The following SMAP1 variants were observed in gnomAD, a reference collection of about 807,000 sequenced individuals.
The protein encoded by SMAP1 is small ArfGAP 1, also known as stromal membrane-associated protein 1.
A neutral mutation model predicts 58.5 loss-of-function variants in SMAP1; 24 were observed. That is an observed-to-expected ratio of 0.41 (90% confidence interval 0.30 to 0.58). SMAP1 has a LOEUF of 0.58. Ranked by LOEUF, SMAP1 falls within the 20% of genes least tolerant of loss-of-function variation. SMAP1 has a pLI of 0.29. For synonymous variants in SMAP1, 216 were observed against 196.6 expected (o/e 1.10, Z -0.82); for missense variants, 563 against 566.3 (o/e 0.99, Z 0.06).
intron 7 of SMAP1, among the ~76,000 whole-genome samples, chr6:70,840,988 T>G (rs1423900213): frequency 6.6e-6 from 1 of 152,220 alleles, no homozygotes; most frequent in Admixed American, 6.5e-5. Context: ...GGACTGTGAA[T>G]TATACTGTTA....
intron 2 of SMAP1, among the ~76,000 whole-genome samples, chr6:70,748,378 C>A (rs1000486685): frequency 2.0e-5 from 3 of 151,914 alleles, no homozygotes; most frequent in Non-Finnish European, 2.9e-5. Flanking sequence ...TAGTTTCCCC[C>A]CTCCCACACA....
intron 3 of SMAP1, among the ~76,000 whole-genome samples, chr6:70,764,794 C>T (rs751481902): frequency 6.6e-6 from 1 of 152,106 alleles, no homozygotes; most frequent in African/African-American, 2.4e-5. Context: ...AGTAGTTTTA[C>T]TTTCAAGTGT....
chr6:70,754,847 A>G, intron 2 of SMAP1, 133 bp from the exon 3 acceptor site: 1 of 502,756 alleles, frequency 2.0e-6, no homozygotes, highest in Non-Finnish European at 3.6e-6. Flanking sequence ...GATTTAAATT[A>G]TATTTCTAAG....
At chr6:70,692,687 A>G (rs1269393529) in intron 1 of SMAP1, among the ~76,000 whole-genome samples, 1 of 152,104 alleles carries the variant, frequency 6.6e-6, no homozygotes, top group Non-Finnish European at 1.5e-5. Context: ...CTTTTACCCA[A>G]TGTATGTTCT....
intron 2 of SMAP1, among the ~76,000 whole-genome samples, chr6:70,737,399 G>A (rs1765658174): frequency 6.6e-6 from 1 of 152,008 alleles, no homozygotes; most frequent in South Asian, 2.1e-4. Context: ...CACCTGCCTT[G>A]GCCTCCCAAA....
In SMAP1 at chr6:70,791,711, T is replaced by G. The variant is rs1379259020; in HGVS notation, c.437T>G (p.Leu146Arg). ...CAGATTTCCTCCTCTGATGCTCCTC[T>G]TCAGCCTTTGGTATCCTCTCCTTCT... ...ITNISSSDAPLQPLVSSPSLQ... is the reference protein window; with the variant it reads ...ITNISSSDAPRQPLVSSPSLQ... Residue 146 changes from leucine to arginine, a missense_variant, in exon 5 of 11, where the codon CTT (leucine) becomes CGT (arginine). Around this residue, in one of 3 missense-constraint regions of SMAP1, gnomAD observed 494 missense variants for 473.8 expected, o/e 1.04. Coordinates refer to ENST00000370455, the MANE Select transcript of SMAP1 (RefSeq NM_001044305.3). The G allele has an allele frequency of 1.9e-6, 3 of 1,613,440 alleles. No individual in the cohort carries two copies. Among genetic ancestry groups the G allele is most frequent in the African/African-American group, 1.3e-5 (1 of 74,908 alleles).
chr6:70,856,359 CAGTCTAA>C (rs1771421555), intron 8 of SMAP1, among the ~76,000 whole-genome samples: 2 of 152,262 alleles, frequency 1.3e-5, no homozygotes, highest in Middle Eastern at 3.4e-3. Flanking sequence ...AGATTAGAAG[CAGTCTAA>C]TATTGTAGTT....
chr6:70,836,323 A>G (rs535146869), intron 6 of SMAP1, among the ~76,000 whole-genome samples: 1 of 151,940 alleles, frequency 6.6e-6, no homozygotes, highest in South Asian at 2.1e-4. Context: ...TAGGGAAACT[A>G]CCCCTTATAA....
chr6:70,738,509 C>T (rs1018800796), intron 2 of SMAP1, among the ~76,000 whole-genome samples: 32 of 149,812 alleles, frequency 2.1e-4, no homozygotes, highest in African/African-American at 7.8e-4. Flanking sequence ...CCTAGTTATT[C>T]CTAGAAAAAC....
chr6:70,739,873 GTTTT>G (rs1765748133), intron 2 of SMAP1, among the ~76,000 whole-genome samples: 1 of 151,232 alleles, frequency 6.6e-6, no homozygotes, highest in African/African-American at 2.4e-5. Context: ...TTTCTGAAAT[GTTTT>G]TTCTTTTATT....
chr6:70,752,823 C>G (rs1361142931), intron 2 of SMAP1, among the ~76,000 whole-genome samples: 3 of 152,082 alleles, frequency 2.0e-5, no homozygotes, highest in Non-Finnish European at 4.4e-5. Flanking sequence ...AAAATGATCT[C>G]TCTACATCTG....
chr6:70,786,880 G>A (rs1768061726), intron 4 of SMAP1, among the ~76,000 whole-genome samples: 1 of 152,112 alleles, frequency 6.6e-6, no homozygotes, highest in Non-Finnish European at 1.5e-5. Flanking sequence ...ACTGCCCAAG[G>A]TAATTTATAG....
At chr6:70,755,194 G>T in intron 3 of SMAP1, 129 bp downstream of exon 3, 1 of 718,448 alleles carries the variant, frequency 1.4e-6, no homozygotes, top group South Asian at 2.1e-5. Flanking sequence ...GATAGAAATT[G>T]ACTTGCTGTG....
intron 1 of SMAP1, among the ~76,000 whole-genome samples, chr6:70,708,368 G>A (rs180982981): frequency 1.3e-4 from 19 of 151,980 alleles, no homozygotes; most frequent in Middle Eastern, 3.4e-3. Flanking sequence ...TCATTCATCC[G>A]TTGATGGACA....
At chr6:70,835,630 C>T (rs961789542) in intron 6 of SMAP1, among the ~76,000 whole-genome samples, 1 of 152,156 alleles carries the variant, frequency 6.6e-6, no homozygotes, top group African/African-American at 2.4e-5. Context: ...CCTCAGCCTC[C>T]CGAGTAGCTG....
At chr6:70,668,775 T>G (rs980464263) in intron 1 of SMAP1, 2 of 1,520,306 alleles carry the variant, frequency 1.3e-6, no homozygotes, top group Non-Finnish European at 8.8e-7. Flanking sequence ...AGTAGTAGTA[T>G]TGTTTTTTAG....
At chr6:70,769,331 G>A (rs1395308160) in intron 3 of SMAP1, among the ~76,000 whole-genome samples, 8 of 152,284 alleles carry the variant, frequency 5.3e-5, no homozygotes, top group South Asian at 4.1e-4. Flanking sequence ...TCGTTGATCT[G>A]TCTAATGTTG....
intron 1 of SMAP1, among the ~76,000 whole-genome samples, chr6:70,725,045 T>C (rs1009902655): frequency 1.3e-5 from 2 of 149,864 alleles, no homozygotes; most frequent in African/African-American, 2.4e-5. Context: ...GCTTCTTAGC[T>C]GGCATTTCTG....
At chr6:70,787,760 A>T (rs1184386647) in intron 4 of SMAP1, among the ~76,000 whole-genome samples, 1 of 151,772 alleles carries the variant, frequency 6.6e-6, no homozygotes, top group South Asian at 2.1e-4. Context: ...ATACCGTCTC[A>T]CACCAGTTAG....
Sources: allele counts gnomAD v4.1 joint callset (sites outside exome capture counted in the v4.1 genomes callset), GRCh38; gene constraint gnomAD v4.1.1; regional missense constraint gnomAD v4.1.1; transcripts MANE v1.5; gene names NCBI Gene and HGNC (gene_info 2026-07-23, HGNC 2026-07-21).